Variants in LRP12 observed in about 807,000 individuals in gnomAD.
LRP12 encodes LDL receptor related protein 12.
In LRP12, 14 loss-of-function variants were observed where a neutral mutation model predicts 66.0. The ratio of observed to expected loss-of-function variants is 0.21; its 90% CI spans 0.14 to 0.33. The LOEUF is 0.33. Among genes scored for constraint, LRP12 ranks in the 10% least tolerant of loss-of-function variants. The pLI, the probability that LRP12 is intolerant of heterozygous loss-of-function variation, is 1.00. For missense variants in LRP12, 889 were observed against 1,053.4 expected, an observed-to-expected ratio of 0.84 and a Z score of 2.16; for synonymous variants, 357 against 359.1, an observed-to-expected ratio of 0.99 and a Z score of 0.07.
intron 1 of LRP12, among the ~76,000 whole-genome samples, chr8:104,548,476 ATAT>A (rs530686036): frequency 3.1e-4 from 36 of 117,004 alleles, no homozygotes; most frequent in African/African-American, 8.4e-4. Flanking sequence ...ATATAATTCT[ATAT>A]TATATTTTGT....
At chr8:104,503,130 C>A (rs1403546772) in intron 3 of LRP12, among the ~76,000 whole-genome samples, 3 of 151,930 alleles carry the variant, frequency 2.0e-5, no homozygotes, top group Non-Finnish European at 2.9e-5. Context: ...TCTAAGCTAT[C>A]TTGGTGTTTC....
intron 2 of LRP12, among the ~76,000 whole-genome samples, chr8:104,511,332 G>A (rs1260757034): frequency 2.0e-5 from 3 of 151,440 alleles, no homozygotes; most frequent in East Asian, 3.9e-4. Context: ...GTGAGCCACC[G>A]CGCCCAGCAT....
intron 6 of LRP12, 49 bp from the exon 7 acceptor site, chr8:104,491,588 G>C: frequency 1.7e-5 from 12 of 705,828 alleles, no homozygotes; most frequent in Non-Finnish European, 2.1e-5. Flanking sequence ...AAGGTACTAA[G>C]ATAAAAAAAA....
chr8:104,583,950 C>T (rs969200446), intron 1 of LRP12, among the ~76,000 whole-genome samples: 2 of 151,602 alleles, frequency 1.3e-5, no homozygotes, highest in Non-Finnish European at 2.9e-5. Flanking sequence ...ATAACTTAGA[C>T]AGTAAGAATT....
intron 1 of LRP12, among the ~76,000 whole-genome samples, chr8:104,550,070 A>AT (rs1010722895): frequency 1.3e-5 from 2 of 152,176 alleles, no homozygotes; most frequent in Admixed American, 1.3e-4. Flanking sequence ...CTAAACTGCA[A>AT]TTTTTTTATT....
chr8:104,494,157 C>A (rs1052537042), intron 6 of LRP12, among the ~76,000 whole-genome samples: 3 of 151,904 alleles, frequency 2.0e-5, no homozygotes, highest in Non-Finnish European at 4.4e-5. Flanking sequence ...TGATTCTTAC[C>A]TAAAAAAAAA....
intron 1 of LRP12, among the ~76,000 whole-genome samples, chr8:104,569,485 T>A (rs1305418626): frequency 6.6e-6 from 1 of 152,102 alleles, no homozygotes; most frequent in Admixed American, 6.5e-5. Flanking sequence ...AATGAAAGGC[T>A]AGTTATATAT....
At chr8:104,509,153 A>G in intron 2 of LRP12, 79 bp from the exon 3 acceptor site, 1 of 1,333,022 alleles carries the variant, frequency 7.5e-7, no homozygotes, top group South Asian at 1.6e-5. Context: ...TATTTTTTAA[A>G]AACCAAAAAA....
At chr8:104,587,124 T>C (rs1048343271) in intron 1 of LRP12, among the ~76,000 whole-genome samples, 2 of 152,204 alleles carry the variant, frequency 1.3e-5, no homozygotes, top group African/African-American at 4.8e-5. Flanking sequence ...GTTCAAACAC[T>C]GATGACACAG....
intron 1 of LRP12, among the ~76,000 whole-genome samples, chr8:104,568,085 G>A (rs1388735228): frequency 2.6e-5 from 4 of 152,108 alleles, no homozygotes; most frequent in African/African-American, 9.7e-5. Flanking sequence ...GACAATATAG[G>A]TCATAAAATA....
chr8:104,511,739 A>G (rs80325661), intron 2 of LRP12, among the ~76,000 whole-genome samples: 9,698 of 152,252 alleles, frequency 0.064, 373 homozygotes, highest in South Asian at 0.079. Flanking sequence ...CTACTGCAGA[A>G]AAAAAAGTTC....
Position 104,490,652 on chromosome 8 carries a change from T to A in LRP12, c.*21A>T. On this transcript the variant is annotated 3_prime_UTR_variant, in exon 7 of 7. Coordinates refer to ENST00000276654, the MANE Select transcript of LRP12 (RefSeq NM_013437.5). ...GGATATTGCTCCAACTTGTATACAATCTCCCTTATGTGATTCGTACCTAAC... is the reference window on the plus strand; with the variant it reads ...GGATATTGCTCCAACTTGTATACAAACTCCCTTATGTGATTCGTACCTAAC... 1.3e-6 allele frequency: 2 copies of A among 1,565,656 alleles called. No individual in the cohort carries two copies. The highest frequency in any genetic ancestry group is 1.7e-6 in the Non-Finnish European group (2 of 1,158,266).
At chr8:104,547,428 CAATTCTGTTATATTTTGTATATAATATAT>C (rs1282336321) in intron 1 of LRP12, among the ~76,000 whole-genome samples, 280 of 128,228 alleles carry the variant, frequency 2.2e-3, no homozygotes, top group Middle Eastern at 0.011. Flanking sequence ...ATATAATATA[CAATTCTGTTATATTTTGTATATAATATAT>C]AATTCTGTTA....
chr8:104,584,671 C>G (rs1018275749), intron 1 of LRP12, among the ~76,000 whole-genome samples: 1 of 152,058 alleles, frequency 6.6e-6, no homozygotes, highest in Non-Finnish European at 1.5e-5. Context: ...TGATAACCAC[C>G]TAGAATTTTG....
At chr8:104,546,990 T>C (rs913334584) in intron 1 of LRP12, among the ~76,000 whole-genome samples, 15 of 144,220 alleles carry the variant, frequency 1.0e-4, no homozygotes, top group Non-Finnish European at 2.1e-4. Flanking sequence ...ACATTTTGTA[T>C]ATAATATATA....
intron 1 of LRP12, among the ~76,000 whole-genome samples, chr8:104,552,513 T>C (rs1357709540): frequency 6.6e-6 from 1 of 151,480 alleles, no homozygotes; most frequent in East Asian, 1.9e-4. Flanking sequence ...CTACTAAAAA[T>C]ACAATTTTTT....
intron 1 of LRP12, among the ~76,000 whole-genome samples, chr8:104,563,341 A>G (rs907880970): frequency 6.6e-6 from 1 of 152,184 alleles, no homozygotes; most frequent in East Asian, 1.9e-4. Flanking sequence ...CAGTTTACAA[A>G]TGAAGAAACT....
In LRP12 at chr8:104,531,976, A is replaced by G. The variant is rs201570459; in HGVS notation, c.80-13T>C. The G allele has an allele frequency of 1.3e-4, 197 of 1,559,936 alleles. No individual in the cohort carries two copies. Among genetic ancestry groups the G allele is most frequent in the Non-Finnish European group, 1.7e-4 (193 of 1,146,286 alleles). On this transcript the variant is annotated splice_polypyrimidine_tract_variant and intron_variant, in intron 1 of 6. Coordinates refer to ENST00000276654, the MANE Select transcript of LRP12 (RefSeq NM_013437.5). ...AGAGCACCATTTCCTAAAATTAAAC[A>G]TAATGAATAAACTAATATCCAAGAT...
Position 104,491,479 on chromosome 8 carries a change from T to C in LRP12, c.1774A>G (p.Arg592Gly), listed in dbSNP as rs778477814. Reference protein sequence around the residue: ...VRSQLGFTSVRLPMAGRSSNI... With the variant: ...VRSQLGFTSVGLPMAGRSSNI... ...CTTGATCTGCCTGCCATAGGAAGCC[T>C]GACTGAAGTAAATCCAAGCTGAGAT... The change falls in exon 7 of 7, where the codon AGG becomes GGG. Residue 592 changes from arginine (R) to glycine (G), a missense_variant. Arg to Gly is a moderately radical substitution (Grantham distance 125). Coordinates refer to ENST00000276654, the MANE Select transcript of LRP12 (RefSeq NM_013437.5). The C allele has an allele frequency of 1.2e-5, 19 of 1,613,786 alleles. No individual in the cohort carries two copies. Among genetic ancestry groups the C allele is most frequent in the Non-Finnish European group, 1.5e-5 (18 of 1,179,982 alleles).
Sources: allele counts gnomAD v4.1 joint callset (sites outside exome capture counted in the v4.1 genomes callset), GRCh38; gene constraint gnomAD v4.1.1; transcripts MANE v1.5; gene names NCBI Gene and HGNC (gene_info 2026-07-23, HGNC 2026-07-21).